Variants in CSMD3 observed in about 807,000 individuals in gnomAD.
CSMD3 encodes the protein CUB and sushi domain-containing protein 3.
CSMD3 carries 177 observed loss-of-function variants against 435.2 expected under a neutral mutation model. The ratio of observed to expected loss-of-function variants is 0.41; its 90% confidence interval spans 0.36 to 0.46. The LOEUF is 0.46. Among genes scored for constraint, CSMD3 ranks in the 20% least tolerant of loss-of-function variants. The probability of loss-of-function intolerance (pLI) is 0.34; values close to 1 mark genes in which losing one functional copy is unlikely to be tolerated. For synonymous variants in CSMD3, 1,656 were observed against 1,520.5 expected (o/e 1.09, Z -2.07); for missense variants, 4,265 against 4,504.6 (o/e 0.95, Z 1.52).
intron 3 of CSMD3, among the ~76,000 whole-genome samples, chr8:113,263,256 A>G (rs1232050004): frequency 1.3e-5 from 2 of 152,046 alleles, no homozygotes; most frequent in Non-Finnish European, 2.9e-5. Context: ...AAATTATTAT[A>G]ACTGCAAATG....
At chr8:112,615,297 A>C (rs887878524) in intron 22 of CSMD3, among the ~76,000 whole-genome samples, 1 of 152,106 alleles carries the variant, frequency 6.6e-6, no homozygotes, top group Non-Finnish European at 1.5e-5. Flanking sequence ...GAACCATGAC[A>C]GTATAGCATT....
chr8:113,337,723 G>C (rs1233993992), intron 1 of CSMD3, among the ~76,000 whole-genome samples: 1 of 152,006 alleles, frequency 6.6e-6, no homozygotes, highest in Non-Finnish European at 1.5e-5. Context: ...GATGTTGGTA[G>C]AGGGATACAA....
chr8:113,152,092 A>G (rs912003685), intron 4 of CSMD3, among the ~76,000 whole-genome samples: 17 of 151,670 alleles, frequency 1.1e-4, no homozygotes, highest in Non-Finnish European at 3.0e-5. Flanking sequence ...TGGTGGTACA[A>G]CCGCCTGAAG....
intron 27 of CSMD3, among the ~76,000 whole-genome samples, chr8:112,518,476 A>G (rs956468024): frequency 2.0e-4 from 31 of 152,232 alleles, no homozygotes; most frequent in African/African-American, 7.2e-4. Flanking sequence ...CGTCTGCACT[A>G]AATTTATAAG....
At chr8:113,006,464 G>A (rs1247951540) in intron 6 of CSMD3, among the ~76,000 whole-genome samples, 1 of 151,986 alleles carries the variant, frequency 6.6e-6, no homozygotes, top group Non-Finnish European at 1.5e-5. Context: ...CACCAGCCTA[G>A]TAGGGTGGGC....
At chr8:112,900,718 A>G (rs1446056010) in intron 10 of CSMD3, among the ~76,000 whole-genome samples, 1 of 151,278 alleles carries the variant, frequency 6.6e-6, no homozygotes, top group East Asian at 2.0e-4. Context: ...TGACAGAGAA[A>G]AAGCTCTTTA....
intron 4 of CSMD3, among the ~76,000 whole-genome samples, chr8:113,143,700 A>C (rs2091605096): frequency 6.6e-6 from 1 of 151,466 alleles, no homozygotes; most frequent in Non-Finnish European, 1.5e-5. Context: ...TGTCAATCCC[A>C]AAAAATTACA....
At chr8:113,260,444 C>T (rs1207458365) in intron 3 of CSMD3, among the ~76,000 whole-genome samples, 2 of 152,120 alleles carry the variant, frequency 1.3e-5, no homozygotes, top group African/African-American at 4.8e-5. Flanking sequence ...ATCATCAGCT[C>T]TCTACTGATT....
intron 1 of CSMD3, among the ~76,000 whole-genome samples, chr8:113,409,913 C>G (rs935539176): frequency 6.6e-6 from 1 of 151,268 alleles, no homozygotes; most frequent in Admixed American, 6.6e-5. Flanking sequence ...CTCTCTAGAC[C>G]TGGGTGGAGG....
chr8:112,839,669 G>C (rs879782590), intron 11 of CSMD3, among the ~76,000 whole-genome samples: 1 of 151,244 alleles, frequency 6.6e-6, no homozygotes, highest in South Asian at 2.1e-4. Flanking sequence ...CTCTTTTTCT[G>C]TTTTTTTGTC....
At chr8:113,238,397 A>T (rs1402579625) in intron 3 of CSMD3, among the ~76,000 whole-genome samples, 2 of 152,232 alleles carry the variant, frequency 1.3e-5, no homozygotes, top group East Asian at 3.9e-4. Context: ...TTGGGGTTAG[A>T]CCAGTTGAAT....
chr8:113,231,345 A>T lies in CSMD3; in HGVS notation c.514+47247T>A, dbSNP rs1355375002. On this transcript the variant is annotated intron_variant, in intron 3 of 70. Coordinates refer to ENST00000297405, the MANE Select transcript of CSMD3 (RefSeq NM_198123.2). ...TAGATGAAAATGTTGGGTCATGGAT[A>T]TATATCTTTCTAAAAGCATAACGTA... Among the ~76,000 whole-genome samples, 3 of 151,338 alleles carry T rather than the reference A, an allele frequency of 2.0e-5. No individual in the cohort carries two copies. In the Admixed American group the frequency reaches 2.0e-4, roughly 10 times the overall value.
At chr8:113,162,016 T>C (rs1258840504) in intron 4 of CSMD3, among the ~76,000 whole-genome samples, 2 of 152,004 alleles carry the variant, frequency 1.3e-5, no homozygotes, top group African/African-American at 4.8e-5. Context: ...TCTTGAAAGG[T>C]CAAGAAAGTG....
intron 13 of CSMD3, among the ~76,000 whole-genome samples, chr8:112,756,695 C>T (rs565308931): frequency 2.6e-5 from 4 of 151,804 alleles, no homozygotes; most frequent in South Asian, 4.2e-4. Flanking sequence ...ATGAAAAATG[C>T]GGTTTGTTAT....
In CSMD3 at chr8:113,226,689, T is replaced by C. The variant is rs376408800; in HGVS notation, c.514+51903A>G. Among the ~76,000 whole-genome samples the C allele has an allele frequency of 8.6e-5, 13 of 151,630 alleles. No individual in the cohort carries two copies. In the East Asian group the frequency reaches 1.4e-3, roughly 16 times the overall value. The stretch of plus-strand genomic sequence containing the variant: ...ATTCCACTATTTAAAATATGAATTC[T>C]AGATCCTCAGAAGAAAGCAGTGCAC... On this transcript the variant is annotated intron_variant, in intron 3 of 70. Coordinates refer to ENST00000297405, the MANE Select transcript of CSMD3 (RefSeq NM_198123.2).
chr8:112,431,146 C>T (rs562253908), intron 32 of CSMD3, among the ~76,000 whole-genome samples: 1 of 152,132 alleles, frequency 6.6e-6, no homozygotes, highest in African/African-American at 2.4e-5. Context: ...AGAAATGAAA[C>T]TGAAAGAAGC....
intron 24 of CSMD3, among the ~76,000 whole-genome samples, chr8:112,559,954 T>A (rs1665502931): frequency 6.6e-6 from 1 of 151,674 alleles, no homozygotes; most frequent in South Asian, 2.1e-4. Flanking sequence ...GAAAAAAAAC[T>A]TTTACTTGTG....
chr8:113,128,505 T>G (rs2091200719), intron 4 of CSMD3, among the ~76,000 whole-genome samples: 2 of 152,062 alleles, frequency 1.3e-5, no homozygotes, highest in Admixed American at 6.6e-5. Flanking sequence ...AAAACAAAAT[T>G]TTTAACATAC....
chr8:112,997,460 T>G (rs1428449995), intron 6 of CSMD3, among the ~76,000 whole-genome samples: 2 of 151,632 alleles, frequency 1.3e-5, no homozygotes, highest in African/African-American at 4.8e-5. Flanking sequence ...TGAAATTTAG[T>G]TGTATAAAAA....
Sources: gnomAD v4.1 joint callset for allele counts (sites outside exome capture counted in the v4.1 genomes callset) on GRCh38, gnomAD v4.1.1 for gene constraint, MANE v1.5 for transcripts, NCBI Gene and HGNC (gene_info 2026-07-23, HGNC 2026-07-21) for gene names.